CALCOCO1: variants seen among roughly 807,000 people sequenced by gnomAD.
CALCOCO1 encodes calcium-binding and coiled-coil domain-containing protein 1.
A neutral mutation model predicts 86.3 loss-of-function variants in CALCOCO1; 44 were observed. That is an observed-to-expected ratio of 0.51 (90% CI 0.40 to 0.66). The LOEUF (loss-of-function observed/expected upper bound fraction) is 0.66, where lower values mean the gene tolerates loss of function less well. CALCOCO1 is among the 30% of genes least tolerant of loss of function. The probability of loss-of-function intolerance (pLI) is 0.00; values close to 1 mark genes in which losing one functional copy is unlikely to be tolerated. For missense variants in CALCOCO1, 708 were observed against 851.1 expected (o/e 0.83, Z 2.09); for synonymous variants, 297 against 327.6 (o/e 0.91, Z 1.01).
intron 4 of CALCOCO1, among the ~76,000 whole-genome samples, chr12:53,723,322 G>C (rs967427907): frequency 6.6e-6 from 1 of 152,186 alleles, no homozygotes; most frequent in African/African-American, 2.4e-5. Context: ...CTAGGGCATA[G>C]GGCAGGATGC....
At position 53,713,195 on chromosome 12, in the gene CALCOCO1, A is replaced by G; in HGVS notation, c.1803T>C (p.Asp601=). 1 of 1,613,880 alleles carries G rather than the reference A, an allele frequency of 6.2e-7. No individual in the cohort carries two copies. Among genetic ancestry groups the G allele is most frequent in the Non-Finnish European group, 8.5e-7 (1 of 1,179,880 alleles). The stretch of plus-strand genomic sequence containing the variant: ...CAGCTGCCATCAGGACTGACTTCTC[A>G]TCTTCAGCCTCCTGGATGCCAAAGA... ...EDSSSDSEAE[D]EKSVLMAAVQ... is the part of the protein sequence containing the mutation. Residue 601 remains aspartate (D), a synonymous_variant, in exon 14 of 15, where the codon GAT becomes GAC. Transcript: ENST00000550804.
rs1945523340 is a variant in CALCOCO1 at position 53,710,379 on chromosome 12, A to G, written c.*1565T>C. On this transcript the variant is annotated 3_prime_UTR_variant, in exon 15 of 15. Coordinates refer to ENST00000550804, the MANE Select transcript of CALCOCO1 (RefSeq NM_020898.3). ...AGAAAGGGAATGGTGGGGGTGGTCC[A>G]CACAGGGGCCCTGAAGGGAGAGGAG... The G allele has an allele frequency of 6.6e-6, 1 of 152,502 alleles. No homozygotes were observed. The highest frequency in any genetic ancestry group is 2.4e-5 in the African/African-American group (1 of 41,422). The allele number at this position is 152,502 out of a possible 1,614,324, so 9.4% of individuals were successfully genotyped here.
chr12:53,711,943 A>G lies in CALCOCO1; in HGVS notation c.*1T>C, dbSNP rs113122716. The G allele has an allele frequency of 1.4e-3, 2,147 of 1,557,876 alleles. 25 individuals carry two copies. The African/African-American group carries it at 0.027, about 19-fold the overall frequency. Reference sequence around the variant, plus strand: ...ATTTGTGCATGTACGAGGGAGTAAGATCACTCAAAGGTGAAGGGGTCCTGG... The same window carrying G: ...ATTTGTGCATGTACGAGGGAGTAAGGTCACTCAAAGGTGAAGGGGTCCTGG... On this transcript the variant is annotated 3_prime_UTR_variant, in exon 15 of 15. Transcript: ENST00000550804.
rs764900773 is a variant in CALCOCO1, at chr12:53,715,805, C to T, written c.1248G>A (p.Leu416=). Residue 416 remains leucine, a synonymous_variant, in exon 9 of 15, where the codon CTG becomes CTA. Coordinates refer to ENST00000550804, the MANE Select transcript of CALCOCO1 (RefSeq NM_020898.3). ...CCCATCCCTCTACCTCCACACTCTGCAGCAGCCCTGCCCGCTCCTTGCTCC... is the reference window on the plus strand; with the variant it reads ...CCCATCCCTCTACCTCCACACTCTGTAGCAGCCCTGCCCGCTCCTTGCTCC... The part of the protein sequence containing the change: ...CQWSKERAGL[L]QSVEAEKDKI... The T allele has an allele frequency of 5.0e-6, 8 of 1,613,108 alleles. No individual in the cohort carries two copies. Among genetic ancestry groups the T allele is most frequent in the Non-Finnish European group, 6.8e-6 (8 of 1,180,024 alleles).
rs761980431 is a variant in CALCOCO1, at chr12:53,714,120, G to C, written c.1591+13C>G. On this transcript the variant is annotated intron_variant, in intron 12 of 14. Coordinates refer to ENST00000550804, the MANE Select transcript of CALCOCO1 (RefSeq NM_020898.3). ...GTGGGGAAGAGGTGTTACAAGATTGGGGCTACACGGACTCAGCCCCACAGC... is the reference window on the plus strand; with the variant it reads ...GTGGGGAAGAGGTGTTACAAGATTGCGGCTACACGGACTCAGCCCCACAGC... 1 of 1,593,042 alleles carries C rather than the reference G, an allele frequency of 6.3e-7. No homozygotes were observed. Among genetic ancestry groups the C allele is most frequent in the South Asian group, 1.1e-5 (1 of 90,714 alleles).
intron 14 of CALCOCO1, chr12:53,712,844 G>A (rs554425702): frequency 6.9e-7 from 1 of 1,452,044 alleles, no homozygotes; most frequent in South Asian, 1.2e-5. Context: ...GCAGAAGATG[G>A]TGCTAGAACA....
intron 9 of CALCOCO1, 187 bp downstream of exon 9, chr12:53,715,606 T>C (rs1945703531): frequency 2.5e-6 from 2 of 805,384 alleles, no homozygotes; most frequent in African/African-American, 3.5e-5. Flanking sequence ...AGGATTGGGA[T>C]ACCCCGGTTA....
rs759749697 is a variant in CALCOCO1, at chr12:53,713,849, C to T, written c.1643G>A (p.Arg548Lys). The part of the protein sequence containing the change: ...DSEDESPEDM[R>K]LPPYGLCERG... ...CTCACAAAGGCCATAGGGTGGGAGC[C>T]TCATGTCTTCTGGGGACTCGTCCTC... Residue 548 changes from arginine to lysine, a missense_variant, in exon 13 of 15, where the codon AGG (arginine) becomes AAG (lysine). Physicochemically the swap from Arg to Lys is conservative, Grantham distance 26. Transcript: ENST00000550804. The T allele has an allele frequency of 4.5e-6, 7 of 1,538,536 alleles. No individual in the cohort carries two copies. In the South Asian group the frequency reaches 8.9e-5, roughly 20 times the overall value.
chr12:53,718,089 T>C (rs888074322), intron 7 of CALCOCO1, among the ~76,000 whole-genome samples: 1 of 151,244 alleles, frequency 6.6e-6, no homozygotes, highest in Non-Finnish European at 1.5e-5. Context: ...AGATCACCAA[T>C]TGACATATGT....
rs1297048361 is a variant in CALCOCO1, at chr12:53,716,883, AC to A, written c.850-469del. On this transcript the variant is annotated intron_variant, in intron 7 of 14. Coordinates refer to ENST00000550804, the MANE Select transcript of CALCOCO1 (RefSeq NM_020898.3). ...CCTCTCCCTAGCGGCCCACAGAAAA[AC>A]CTATTGCTTCTCCATCCTGGTCACA... is the stretch of plus-strand genomic sequence containing the variant. Among the ~76,000 whole-genome samples, 13 of 151,846 alleles carry A rather than the reference AC, an allele frequency of 8.6e-5. No homozygotes were observed. In the South Asian group the frequency reaches 2.7e-3, roughly 32 times the overall value.
chr12:53,716,982 G>A (rs1945743583), intron 7 of CALCOCO1, among the ~76,000 whole-genome samples: 1 of 152,210 alleles, frequency 6.6e-6, no homozygotes, highest in Non-Finnish European at 1.5e-5. Context: ...TTGGACTACT[G>A]AATAACTTCA....
rs769979491 is a variant in CALCOCO1 at position 53,715,972 on chromosome 12, G to C, written c.1081C>G (p.Leu361Val). The change falls in exon 9 of 15, where the codon CTT becomes GTT. Residue 361 changes from leucine to valine, a missense_variant. Leu to Val is a conservative substitution (Grantham distance 32). Transcript: ENST00000550804. Reference protein sequence around the residue: ...LAASSQQKATLLGEELASAAA... With the variant: ...LAASSQQKATVLGEELASAAA... ...GCACTGGCCAACTCCTCCCCAAGAA[G>C]GGTGGCTTTCTGCTGGCTTGAGGCT... is the stretch of plus-strand genomic sequence containing the variant. 2.5e-6 allele frequency: 4 copies of C among 1,614,030 alleles called. No homozygotes were observed. The highest frequency in any genetic ancestry group is 2.2e-5 in the East Asian group (1 of 44,900).
chr12:53,719,825 T>C lies in CALCOCO1; in HGVS notation c.763A>G (p.Arg255Gly). The C allele has an allele frequency of 1.2e-6, 2 of 1,610,540 alleles. No individual in the cohort carries two copies. Among genetic ancestry groups the C allele is most frequent in the Non-Finnish European group, 8.5e-7 (1 of 1,176,980 alleles). ...CGAGTCAGGGCCTTCACTGTGTCTC[T>C]AAGCCTGTGATTGGTGGGATGACAT... ...LTKEVELDRLRDTVKALTREQ... is the reference protein window; with the variant it reads ...LTKEVELDRLGDTVKALTREQ... The change falls in exon 7 of 15, where the codon AGA (arginine) becomes GGA (glycine). Residue 255 changes from arginine to glycine, a missense_variant. Arg to Gly is a moderately radical substitution (Grantham distance 125). Transcript: ENST00000550804.
intron 8 of CALCOCO1, 70 bp from the exon 9 acceptor site, chr12:53,716,117 T>A (rs1466068108): frequency 6.3e-7 from 1 of 1,593,076 alleles, no homozygotes; most frequent in Non-Finnish European, 8.6e-7. Flanking sequence ...AGGTAAACGC[T>A]CCCTCCACTC....
chr12:53,724,962 T>C, intron 2 of CALCOCO1, 125 bp downstream of exon 2: 1 of 1,155,536 alleles, frequency 8.7e-7, no homozygotes, highest in Non-Finnish European at 1.2e-6. Context: ...GCCTCTGTCA[T>C]CTGTGACATC....
intron 14 of CALCOCO1, chr12:53,712,779 T>A: frequency 1.5e-6 from 2 of 1,338,290 alleles, no homozygotes. Context: ...ACCTACCTGG[T>A]GGTTGGGGAA....
chr12:53,724,554 G>C, intron 3 of CALCOCO1, 91 bp downstream of exon 3: 1 of 889,206 alleles, frequency 1.1e-6, no homozygotes, highest in Non-Finnish European at 1.9e-6. Context: ...TGTCCTTTGT[G>C]CCTAACTTTT....
rs770978078 is a variant in CALCOCO1 at position 53,722,239 on chromosome 12, C to A, written c.451-56G>T. ...GCTGGTGGAGTACCCCTTCTAAGGTCCCATCCTCACCACTCTCCAGGTGCA... is the reference window on the plus strand; with the variant it reads ...GCTGGTGGAGTACCCCTTCTAAGGTACCATCCTCACCACTCTCCAGGTGCA... On this transcript the variant is annotated intron_variant, in intron 4 of 14. Coordinates refer to ENST00000550804, the MANE Select transcript of CALCOCO1 (RefSeq NM_020898.3). 3.8e-6 allele frequency: 6 copies of A among 1,590,182 alleles called. No individual in the cohort carries two copies. In the South Asian group the frequency reaches 6.6e-5, roughly 18 times the overall value.
Position 53,713,809 on chromosome 12 carries a change from G to T in CALCOCO1, c.1683C>A (p.Gly561=). 2 of 1,582,500 alleles carry T rather than the reference G, an allele frequency of 1.3e-6. No homozygotes were observed. The highest frequency in any genetic ancestry group is 3.7e-5 in the Admixed American group (2 of 53,352). The part of the protein sequence containing the change: ...PYGLCERGDP[G]SSPAGPREAS... ...CCTCTCGAGGCCCAGCAGGAGAGGA[G>T]CCTGGGTCTCCACGCTCACAAAGGC... Residue 561 remains glycine (G), a synonymous_variant, in exon 13 of 15, where the codon GGC becomes GGA. Transcript: ENST00000550804.
Sources: gnomAD v4.1 joint callset for allele counts (sites outside exome capture counted in the v4.1 genomes callset) on GRCh38, gnomAD v4.1.1 for gene constraint, MANE v1.5 for transcripts, NCBI Gene and HGNC (gene_info 2026-07-23, HGNC 2026-07-21) for gene names.